Variants in GATM observed in about 807,000 individuals in gnomAD.
The protein encoded by GATM is glycine amidinotransferase.
In GATM, 23 loss-of-function variants were observed where a neutral mutation model predicts 54.2. The observed-to-expected ratio is 0.42, with a 90% CI of 0.31 to 0.60. The LOEUF (loss-of-function observed/expected upper bound fraction) is 0.60, where lower values mean the gene tolerates loss of function less well. Ranked by LOEUF, GATM falls within the 20% of genes least tolerant of loss-of-function variation. The probability of loss-of-function intolerance (pLI) is 0.14; values close to 1 mark genes in which losing one functional copy is unlikely to be tolerated. For synonymous variants in GATM, 168 were observed against 183.1 expected, an observed-to-expected ratio of 0.92 and a Z score of 0.67; for missense variants, 401 against 544.9, an observed-to-expected ratio of 0.74 and a Z score of 2.63.
At chr15:45,384,910 G>A (rs1240460840) in intron 3 of GATM, among the ~76,000 whole-genome samples, 1 of 152,140 alleles carries the variant, frequency 6.6e-6, no homozygotes, top group Non-Finnish European at 1.5e-5. Flanking sequence ...GTCATACTAT[G>A]TTGCCTAGGC....
intron 2 of GATM, among the ~76,000 whole-genome samples, chr15:45,371,378 A>T (rs552865719): frequency 6.6e-6 from 1 of 152,356 alleles, no homozygotes; most frequent in Non-Finnish European, 1.5e-5. Context: ...CAGGTATTTT[A>T]AAAATGTTTA....
intron 4 of GATM, among the ~76,000 whole-genome samples, chr15:45,367,308 T>C (rs572015693): frequency 2.0e-5 from 3 of 149,186 alleles, no homozygotes; most frequent in Non-Finnish European, 4.4e-5. Flanking sequence ...GCCACTGCAC[T>C]CCAGTCTGGG....
Position 45,361,741 on chromosome 15 carries a change from A to G in GATM, c.*368T>C. 2.1e-6 allele frequency: 1 copy of G among 480,696 alleles called. No homozygotes were observed. Among genetic ancestry groups the G allele is most frequent in the Non-Finnish European group, 3.6e-6 (1 of 275,482 alleles). The allele number at this position is 480,696 out of a possible 1,614,324, so 29.8% of individuals were successfully genotyped here. A position where few individuals can be genotyped will look rare whatever the true frequency, so the allele number is the denominator to read the frequency against. ...CATTCTCAAGTCTATAGAAGAGGAA[A>G]AAAAATTAAGATTAGGACCAACATT... On this transcript the variant is annotated 3_prime_UTR_variant, in exon 9 of 9. Transcript: ENST00000396659.
At chr15:45,397,640 G>A (rs1889949104) in intron 2 of GATM, among the ~76,000 whole-genome samples, 2 of 152,172 alleles carry the variant, frequency 1.3e-5, no homozygotes, top group Admixed American at 1.3e-4. Context: ...GCCAGTAAAT[G>A]TAAGTAATGT....
chr15:45,376,461 T>C, intron 2 of GATM, 140 bp downstream of exon 2: 1 of 770,098 alleles, frequency 1.3e-6, no homozygotes, highest in Middle Eastern at 3.5e-4. Flanking sequence ...TAGTGTCAAA[T>C]ACCACAGAGG....
chr15:45,394,387 G>A (rs1889904761), intron 3 of GATM, among the ~76,000 whole-genome samples: 1 of 152,142 alleles, frequency 6.6e-6, no homozygotes, highest in South Asian at 2.1e-4. Flanking sequence ...ATCGGTCTCT[G>A]GTGCCAAAAA....
chr15:45,366,256 T>C, intron 5 of GATM, 46 bp from the exon 6 acceptor site: 6 of 1,611,962 alleles, frequency 3.7e-6, no homozygotes, highest in Non-Finnish European at 5.1e-6. Context: ...TTTGGTTCTA[T>C]GTCTAGAAAA....
At chr15:45,378,348 T>A in intron 1 of GATM, 37 bp downstream of exon 1, 1 of 1,486,820 alleles carries the variant, frequency 6.7e-7, no homozygotes, top group Non-Finnish European at 9.0e-7. Context: ...ATCGAGTGAG[T>A]CACGCGGCCG....
At chr15:45,363,716 C>T (rs984827263) in intron 8 of GATM, 184 bp downstream of exon 8, 9 of 613,480 alleles carry the variant, frequency 1.5e-5, no homozygotes, top group African/African-American at 1.3e-4. Context: ...GCATCTCCAA[C>T]TTGTTGGGGC....
chr15:45,398,338 TGAATCAA>T (rs1364453883), intron 2 of GATM, among the ~76,000 whole-genome samples: 2 of 152,212 alleles, frequency 1.3e-5, no homozygotes, highest in Non-Finnish European at 2.9e-5. Flanking sequence ...TAAAAAATGA[TGAATCAA>T]GCAATTTCCT....
chr15:45,376,483 ATAACT>A (rs1889638049), intron 2 of GATM, 113 bp downstream of exon 2: 2 of 851,354 alleles, frequency 2.3e-6, no homozygotes, highest in Non-Finnish European at 4.0e-6. Context: ...GTCAAGTAAG[ATAACT>A]TAATCACTGG....
chr15:45,398,604 C>T (rs1459246946), intron 2 of GATM, among the ~76,000 whole-genome samples: 2 of 152,158 alleles, frequency 1.3e-5, no homozygotes, highest in Admixed American at 6.5e-5. Flanking sequence ...AACACAGGTT[C>T]GGCATATTAG....
upstream of GATM, chr15:45,379,508 T>C (rs995835554): frequency 6.6e-6 from 1 of 152,198 alleles, no homozygotes; most frequent in Non-Finnish European, 1.5e-5. Context: ...GGAAAGAGCC[T>C]CCGAGAGGGA....
chr15:45,364,557 C>A, intron 7 of GATM: 6 of 452,318 alleles, frequency 1.3e-5, no homozygotes, highest in East Asian at 3.9e-5. Flanking sequence ...AAAGTCATAT[C>A]TTGCTTTACG....
chr15:45,365,423 C>T (rs1889431753), intron 6 of GATM, among the ~76,000 whole-genome samples: 1 of 152,132 alleles, frequency 6.6e-6, no homozygotes, highest in South Asian at 2.1e-4. Flanking sequence ...TCATGGTCAT[C>T]GGGTTTAAAA....
At chr15:45,398,703 A>G (rs1398325638) in intron 2 of GATM, among the ~76,000 whole-genome samples, 1 of 152,202 alleles carries the variant, frequency 6.6e-6, no homozygotes, top group African/African-American at 2.4e-5. Flanking sequence ...AGGGTGGCTA[A>G]ACAAATCTCT....
chr15:45,384,580 T>C (rs749931975), intron 3 of GATM, among the ~76,000 whole-genome samples: 9 of 152,224 alleles, frequency 5.9e-5, no homozygotes, highest in Non-Finnish European at 1.3e-4. Context: ...TTGGGATGGT[T>C]CTGGAAATAC....
At chr15:45,384,780 C>A (rs370159535) in intron 3 of GATM, among the ~76,000 whole-genome samples, 2 of 152,098 alleles carry the variant, frequency 1.3e-5, no homozygotes, top group African/African-American at 4.8e-5. Context: ...GCGATCATAG[C>A]TCACTGCAGC....
At chr15:45,387,446 GTTTT>G (rs77558623) in intron 3 of GATM, among the ~76,000 whole-genome samples, 1 of 145,238 alleles carries the variant, frequency 6.9e-6, no homozygotes, top group Non-Finnish European at 1.5e-5. Context: ...TGGTATTCCT[GTTTT>G]TTTTTTTTTA....
Sources: gnomAD v4.1 joint callset for allele counts (sites outside exome capture counted in the v4.1 genomes callset) on GRCh38, gnomAD v4.1.1 for gene constraint, MANE v1.5 for transcripts, NCBI Gene and HGNC (gene_info 2026-07-23, HGNC 2026-07-21) for gene names.